Variants in DEPDC5 observed in about 807,000 individuals in gnomAD.
The protein encoded by DEPDC5 is DEP domain containing 5, GATOR1 subcomplex subunit.
Under a neutral mutation model 217.3 loss-of-function variants are expected in DEPDC5, and 73 were observed. That is an observed-to-expected ratio of 0.34 (90% confidence interval 0.28 to 0.41). The LOEUF (loss-of-function observed/expected upper bound fraction) is 0.41, where lower values mean the gene tolerates loss of function less well. Ranked by LOEUF, DEPDC5 falls within the 10% of genes least tolerant of loss-of-function variation. The pLI is 1.00. For synonymous variants in DEPDC5, 733 were observed against 756.7 expected, an observed-to-expected ratio of 0.97 and a Z score of 0.51; for missense variants, 1,675 against 2,070.1, an observed-to-expected ratio of 0.81 and a Z score of 3.70.
chr22:31,890,185 A>G (rs2093410476), intron 38 of DEPDC5, among the ~76,000 whole-genome samples: 2 of 152,284 alleles, frequency 1.3e-5, no homozygotes, highest in South Asian at 4.1e-4. Flanking sequence ...GGCACATCTC[A>G]GTTTGTAGTT....
At chr22:31,840,247 A>G (rs1365353206) in intron 27 of DEPDC5, among the ~76,000 whole-genome samples, 1 of 152,160 alleles carries the variant, frequency 6.6e-6, no homozygotes, top group Non-Finnish European at 1.5e-5. Context: ...CCCAAAGTAC[A>G]TGTAGGAGTT....
intron 31 of DEPDC5, among the ~76,000 whole-genome samples, chr22:31,855,029 A>G (rs1176966972): frequency 2.6e-5 from 4 of 151,418 alleles, no homozygotes; most frequent in South Asian, 2.1e-4. Flanking sequence ...CTGTGGCACA[A>G]TCTCGGCTCA....
chr22:31,846,588 C>T (rs2015172839), intron 30 of DEPDC5, among the ~76,000 whole-genome samples: 1 of 152,176 alleles, frequency 6.6e-6, no homozygotes, highest in Admixed American at 6.5e-5. Context: ...ACATTATTTA[C>T]ATCATAGATC....
At chr22:31,871,623 A>G (rs1269207440) in intron 34 of DEPDC5, among the ~76,000 whole-genome samples, 1 of 152,124 alleles carries the variant, frequency 6.6e-6, no homozygotes, top group African/African-American at 2.4e-5. Flanking sequence ...GGCGTGGAGG[A>G]GATTGGAGAG....
intron 38 of DEPDC5, among the ~76,000 whole-genome samples, chr22:31,888,273 G>A (rs1302105235): frequency 2.6e-5 from 3 of 113,568 alleles, no homozygotes; most frequent in Admixed American, 1.1e-4. Flanking sequence ...TTTTGGAGAC[G>A]GAGTCTTGCT....
rs2075190242 is a variant in DEPDC5 at position 31,754,926 on chromosome 22, GAAC to G, written c.11_13del (p.Thr4del). 6.2e-7 allele frequency: 1 copy of G among 1,614,206 alleles called. No homozygotes were observed. The highest frequency in any genetic ancestry group is 8.5e-7 in the Non-Finnish European group (1 of 1,180,040). On this transcript the variant is annotated inframe_deletion, in exon 2 of 43. Coordinates refer to ENST00000651528, the MANE Select transcript of DEPDC5 (RefSeq NM_001242896.3). ...TAAAGGGAAAAACAGTGCAAGATGA[GAAC>G]AACAAAGGTCTACAAACTCGTCATC...
At chr22:31,800,524 G>A (rs538081505) in intron 14 of DEPDC5, among the ~76,000 whole-genome samples, 7 of 152,162 alleles carry the variant, frequency 4.6e-5, no homozygotes, top group African/African-American at 1.7e-4. Flanking sequence ...CTCATGGTCA[G>A]GAACTGGAAG....
intron 23 of DEPDC5, 47 bp downstream of exon 23, chr22:31,821,684 C>T: frequency 6.3e-7 from 1 of 1,597,996 alleles, no homozygotes; most frequent in Non-Finnish European, 8.6e-7. Context: ...GAACACTCTC[C>T]AGCACCCAGG....
chr22:31,772,370 A>G (rs2083439474), intron 7 of DEPDC5, among the ~76,000 whole-genome samples: 1 of 152,150 alleles, frequency 6.6e-6, no homozygotes, highest in African/African-American at 2.4e-5. Flanking sequence ...GCAGATCTCT[A>G]CTGGATGGGT....
chr22:31,826,675 A>G (rs1196406565), intron 24 of DEPDC5, among the ~76,000 whole-genome samples: 1 of 152,140 alleles, frequency 6.6e-6, no homozygotes, highest in Non-Finnish European at 1.5e-5. Context: ...GCATAACCCA[A>G]TTGTACAACT....
chr22:31,895,822 G>A (rs897508495), intron 39 of DEPDC5, among the ~76,000 whole-genome samples: 3 of 151,442 alleles, frequency 2.0e-5, no homozygotes, highest in African/African-American at 7.3e-5. Context: ...CCCCTCCCTT[G>A]GAAAGACTCT....
intron 34 of DEPDC5, 143 bp downstream of exon 34, chr22:31,870,887 T>A: frequency 2.3e-6 from 2 of 881,242 alleles, no homozygotes; most frequent in South Asian, 2.5e-5. Context: ...AGTTAGTCCT[T>A]AACCACATCT....
At chr22:31,797,915 G>A (rs1356775485) in intron 13 of DEPDC5, among the ~76,000 whole-genome samples, 1 of 151,474 alleles carries the variant, frequency 6.6e-6, no homozygotes, top group African/African-American at 2.4e-5. Context: ...GCCTTGTGGA[G>A]CCAGATGCCT....
chr22:31,844,702 C>CTTTTTTTT (rs136860), intron 29 of DEPDC5: 1 of 130,418 alleles, frequency 7.7e-6, no homozygotes, highest in African/African-American at 5.4e-5. Context: ...CTTCAGAGCT[C>CTTTTTTTT]TTTTTTTTTT....
rs371172274 is a variant in DEPDC5 at position 31,759,354 on chromosome 22, C to A, written c.146+721C>A. 2.0e-5 allele frequency among the ~76,000 whole-genome samples: 3 copies of A among 149,070 alleles called. No homozygotes were observed. The East Asian group carries it at 5.9e-4, about 29-fold the overall frequency. Reference sequence around the variant, plus strand: ...ACAGGCATGAGCCACCATACCGAGCCGTTTTTTTTGTTTTTTTTGTTTTTT... The same window carrying A: ...ACAGGCATGAGCCACCATACCGAGCAGTTTTTTTTGTTTTTTTTGTTTTTT... On this transcript the variant is annotated intron_variant, in intron 3 of 42. Transcript: ENST00000651528.
At chr22:31,807,171 CT>C (rs1445545121) in intron 18 of DEPDC5, among the ~76,000 whole-genome samples, 1 of 152,172 alleles carries the variant, frequency 6.6e-6, no homozygotes, top group East Asian at 1.9e-4. Flanking sequence ...GTGTACCATA[CT>C]TTTGCAAAGC....
intron 14 of DEPDC5, among the ~76,000 whole-genome samples, chr22:31,802,473 T>G (rs2086979094): frequency 6.6e-6 from 1 of 152,098 alleles, no homozygotes; most frequent in African/African-American, 2.4e-5. Context: ...ACAGGGCAAG[T>G]ATGAGGTGTC....
rs757562173 is a variant in DEPDC5, at chr22:31,792,728, C to T, written c.695-17C>T. On this transcript the variant is annotated splice_polypyrimidine_tract_variant and intron_variant, in intron 11 of 42. Coordinates refer to ENST00000651528, the MANE Select transcript of DEPDC5 (RefSeq NM_001242896.3). ...TCTTCTCAGCCTGAACTACATACTC[C>T]GTTTTCTCTATTTCAGATGAATTTC... 4.6e-6 allele frequency: 7 copies of T among 1,537,698 alleles called. No individual in the cohort carries two copies. The highest frequency in any genetic ancestry group is 1.4e-5 in the African/African-American group (1 of 69,516).
At chr22:31,784,966 T>C in intron 10 of DEPDC5, 91 bp downstream of exon 10, 10 of 1,201,550 alleles carry the variant, frequency 8.3e-6, no homozygotes, top group Non-Finnish European at 1.2e-5. Flanking sequence ...TTGCCCTAAA[T>C]TGAGCTATTT....
Sources: allele counts gnomAD v4.1 joint callset (sites outside exome capture counted in the v4.1 genomes callset), GRCh38; gene constraint gnomAD v4.1.1; transcripts MANE v1.5; gene names NCBI Gene and HGNC (gene_info 2026-07-23, HGNC 2026-07-21).